The following GPC6 variants were observed in gnomAD, a reference collection of about 807,000 sequenced individuals.
The protein encoded by GPC6 is glypican 6, also known as glypican-6.
In GPC6, 14 loss-of-function variants were observed where a neutral mutation model predicts 55.2. That is an observed-to-expected ratio of 0.25 (90% CI 0.17 to 0.40). The LOEUF (loss-of-function observed/expected upper bound fraction) is 0.40, where lower values mean the gene tolerates loss of function less well. Ranked by LOEUF, GPC6 falls within the 10% of genes least tolerant of loss-of-function variation. The pLI, the probability that GPC6 is intolerant of heterozygous loss-of-function variation, is 1.00. For missense variants in GPC6, 641 were observed against 708.5 expected (o/e 0.90, Z 1.08); for synonymous variants, 278 against 259.6 (o/e 1.07, Z -0.68).
intron 2 of GPC6, among the ~76,000 whole-genome samples, chr13:93,562,966 C>T (rs1005329185): frequency 6.6e-6 from 1 of 152,160 alleles, no homozygotes; most frequent in South Asian, 2.1e-4. Context: ...ACCCTACTTT[C>T]TCCATAAGGA....
At chr13:93,531,717 G>A (rs1306508638) in intron 1 of GPC6, among the ~76,000 whole-genome samples, 2 of 152,108 alleles carry the variant, frequency 1.3e-5, no homozygotes, top group African/African-American at 4.8e-5. Context: ...TATTTATTAA[G>A]TCCAAACAAT....
intron 2 of GPC6, among the ~76,000 whole-genome samples, chr13:93,822,101 G>A (rs1441390105): frequency 2.0e-5 from 3 of 151,424 alleles, no homozygotes; most frequent in Non-Finnish European, 4.4e-5. Flanking sequence ...TACATAAAAT[G>A]ATTTACACAA....
At chr13:94,134,258 A>T (rs1037922035) in intron 4 of GPC6, among the ~76,000 whole-genome samples, 2 of 152,208 alleles carry the variant, frequency 1.3e-5, no homozygotes, top group African/African-American at 4.8e-5. Flanking sequence ...TCACCACTTC[A>T]GCCCATGAAT....
chr13:94,190,095 G>T (rs918602429), intron 4 of GPC6, among the ~76,000 whole-genome samples: 5 of 151,836 alleles, frequency 3.3e-5, no homozygotes, highest in Middle Eastern at 3.2e-3. Context: ...AGGCCAAGGG[G>T]GGCAGATCAC....
At chr13:93,855,788 G>T (rs537700848) in intron 3 of GPC6, among the ~76,000 whole-genome samples, 2 of 151,524 alleles carry the variant, frequency 1.3e-5, no homozygotes, top group African/African-American at 4.8e-5. Context: ...GCATCTTTTC[G>T]TATGCTTATT....
At chr13:93,803,647 A>T (rs949270132) in intron 2 of GPC6, among the ~76,000 whole-genome samples, 3 of 152,204 alleles carry the variant, frequency 2.0e-5, no homozygotes, top group African/African-American at 7.2e-5. Context: ...GCACATAGCA[A>T]CATTATTCTT....
intron 7 of GPC6, among the ~76,000 whole-genome samples, chr13:94,383,416 C>T (rs1880264586): frequency 6.6e-6 from 1 of 152,132 alleles, no homozygotes. Flanking sequence ...TATGAAGCAG[C>T]TGTGATCAAA....
intron 1 of GPC6, among the ~76,000 whole-genome samples, chr13:93,281,755 G>A (rs1877958640): frequency 6.6e-6 from 1 of 152,190 alleles, no homozygotes; most frequent in Non-Finnish European, 1.5e-5. Context: ...GGCGGAGGTT[G>A]TGGTAAGCCA....
At chr13:93,471,700 TA>T (rs896598322) in intron 1 of GPC6, among the ~76,000 whole-genome samples, 1 of 150,330 alleles carries the variant, frequency 6.7e-6, no homozygotes, top group Admixed American at 6.6e-5. Flanking sequence ...ATGTTTTTTT[TA>T]TTAATGTTCT....
chr13:93,392,627 C>A (rs1875674668), intron 1 of GPC6, among the ~76,000 whole-genome samples: 1 of 152,202 alleles, frequency 6.6e-6, no homozygotes, highest in African/African-American at 2.4e-5. Context: ...GCTGGGGAAC[C>A]AGACGGCCAG....
chr13:93,859,519 T>C (rs1455148186), intron 3 of GPC6, among the ~76,000 whole-genome samples: 1 of 151,666 alleles, frequency 6.6e-6, no homozygotes, highest in African/African-American at 2.4e-5. Flanking sequence ...GTTGGGTGAT[T>C]TTTGTCCTAA....
intron 1 of GPC6, among the ~76,000 whole-genome samples, chr13:93,430,294 A>G (rs2139273242): frequency 6.6e-6 from 1 of 151,926 alleles, no homozygotes; most frequent in Middle Eastern, 3.4e-3. Flanking sequence ...TTAAGAATAG[A>G]GAGAGTTCCT....
At chr13:94,085,025 G>A (rs1885229571) in intron 4 of GPC6, among the ~76,000 whole-genome samples, 1 of 151,884 alleles carries the variant, frequency 6.6e-6, no homozygotes, top group Non-Finnish European at 1.5e-5. Flanking sequence ...TATAATTCAT[G>A]TATAAAAAGA....
At chr13:94,233,619 G>C (rs1890793686) in intron 4 of GPC6, among the ~76,000 whole-genome samples, 1 of 152,122 alleles carries the variant, frequency 6.6e-6, no homozygotes, top group Non-Finnish European at 1.5e-5. Context: ...TCTCCACACT[G>C]TCTTCCCTCC....
chr13:93,454,917 C>T (rs1225311583), intron 1 of GPC6, among the ~76,000 whole-genome samples: 4 of 152,244 alleles, frequency 2.6e-5, no homozygotes, highest in Non-Finnish European at 4.4e-5. Context: ...GCTGCAGGTC[C>T]CGAGCCCTGT....
intron 1 of GPC6, among the ~76,000 whole-genome samples, chr13:93,314,627 T>C (rs1879179746): frequency 6.6e-6 from 1 of 151,840 alleles, no homozygotes; most frequent in African/African-American, 2.4e-5. Context: ...GCAAATAAAG[T>C]TGCATGAGCA....
intron 4 of GPC6, among the ~76,000 whole-genome samples, chr13:94,042,286 T>G (rs1178125483): frequency 6.6e-6 from 1 of 151,898 alleles, no homozygotes; most frequent in Non-Finnish European, 1.5e-5. Flanking sequence ...CTGTACACCC[T>G]GCAGAACTGT....
chr13:93,338,336 T>G (rs2139146277), intron 1 of GPC6, among the ~76,000 whole-genome samples: 1 of 152,318 alleles, frequency 6.6e-6, no homozygotes, highest in Non-Finnish European at 1.5e-5. Flanking sequence ...AACTGAAATT[T>G]ATGACAGGCA....
At chr13:94,372,237 A>G (rs370832272) in intron 6 of GPC6, among the ~76,000 whole-genome samples, 115 of 152,278 alleles carry the variant, frequency 7.6e-4, no homozygotes, top group Middle Eastern at 3.4e-3. Context: ...GAACAGCTCC[A>G]GTCTACAGCT....
Sources: allele counts gnomAD v4.1 joint callset (sites outside exome capture counted in the v4.1 genomes callset), GRCh38; gene constraint gnomAD v4.1.1; transcripts MANE v1.5; gene names NCBI Gene and HGNC (gene_info 2026-07-23, HGNC 2026-07-21).